TFB1M: variants seen among roughly 807,000 people sequenced by gnomAD.
TFB1M encodes transcription factor B1, mitochondrial.
Under a neutral mutation model 31.1 loss-of-function variants are expected in TFB1M, and 27 were observed. The ratio of observed to expected loss-of-function variants is 0.87; its 90% CI spans 0.64 to 1.20. The LOEUF (loss-of-function observed/expected upper bound fraction) is 1.20. Among genes scored for constraint, TFB1M ranks in the 50% most tolerant of loss-of-function variants. The probability of loss-of-function intolerance (pLI) is 0.00; values close to 1 mark genes in which losing one functional copy is unlikely to be tolerated. For missense variants in TFB1M, 394 were observed against 418.7 expected, an observed-to-expected ratio of 0.94 and a Z score of 0.51; for synonymous variants, 166 against 151.8, an observed-to-expected ratio of 1.09 and a Z score of -0.69.
At chr6:155,261,122 A>G (rs116655746) in intron 5 of TFB1M, among the ~76,000 whole-genome samples, 1 of 152,252 alleles carries the variant, frequency 6.6e-6, no homozygotes, top group Non-Finnish European at 1.5e-5. Context: ...AAATGGACTC[A>G]TGGTGATTCA....
chr6:155,262,974 C>T (rs933297861), intron 5 of TFB1M, among the ~76,000 whole-genome samples: 7 of 152,246 alleles, frequency 4.6e-5, no homozygotes, highest in African/African-American at 1.4e-4. Context: ...TATTATGTCA[C>T]GGCTAAAAGA....
At chr6:155,233,103 A>G in the TFB1M span, among the ~76,000 whole-genome samples, 1 of 152,198 alleles carries the variant, frequency 6.6e-6, no homozygotes. Context: ...CTTCTGATGC[A>G]GTGGACTCCT....
Position 155,275,571 on chromosome 6 carries a change from AC to A in TFB1M, c.666+9586del, listed in dbSNP as rs1191861612. ...TACTCTAAAGGGAAGCCTTTTGTTT[AC>A]TTACTTTCTTTCGCTCAATCCTGGT... is the stretch of plus-strand genomic sequence containing the variant. On this transcript the variant is annotated intron_variant, in intron 5 of 6. Coordinates refer to ENST00000367166, the MANE Select transcript of TFB1M (RefSeq NM_016020.4). The A allele has an allele frequency of 6.7e-6, 5 of 747,498 alleles. No individual in the cohort carries two copies. The Admixed American group carries it at 1.2e-4, about 18-fold the overall frequency. The allele number at this position is 747,498 out of a possible 1,614,324, so 46.3% of individuals were successfully genotyped here.
chr6:155,239,135 A>G, the TFB1M span, among the ~76,000 whole-genome samples: 2 of 152,208 alleles, frequency 1.3e-5, no homozygotes, highest in Non-Finnish European at 2.9e-5. Flanking sequence ...GAATTATGTG[A>G]ATATTAAGAG....
At chr6:155,279,640 G>C (rs969214779) in intron 5 of TFB1M, among the ~76,000 whole-genome samples, 1 of 152,150 alleles carries the variant, frequency 6.6e-6, no homozygotes, top group African/African-American at 2.4e-5. Context: ...CTTGACTTTT[G>C]AGATTTTTAG....
the TFB1M span, chr6:155,244,663 G>A: frequency 6.2e-7 from 1 of 1,613,964 alleles, no homozygotes; most frequent in South Asian, 1.1e-5. Context: ...CATAGATGGA[G>A]TCACTTTTTG....
At chr6:155,296,317 TG>T (rs1241489346) in intron 4 of TFB1M, among the ~76,000 whole-genome samples, 1 of 151,912 alleles carries the variant, frequency 6.6e-6, no homozygotes, top group African/African-American at 2.4e-5. Flanking sequence ...TGGAGTGCAG[TG>T]GCACGATCTT....
In TFB1M at chr6:155,314,295, C is replaced by T. The variant is rs1417871412; in HGVS notation, c.133+1G>A. 6.2e-7 allele frequency: 1 copy of T among 1,613,798 alleles called. No homozygotes were observed. Among genetic ancestry groups the T allele is most frequent in the Non-Finnish European group, 8.5e-7 (1 of 1,179,910 alleles). The stretch of plus-strand genomic sequence containing the variant: ...CCGGGGAGCACTGCTAAGCCATCCA[C>T]CTGTCAGCCTCAAGTCCAGGAGGAA... On this transcript the variant is annotated splice_donor_variant, in intron 1 of 6. Coordinates refer to ENST00000367166, the MANE Select transcript of TFB1M (RefSeq NM_016020.4). LOFTEE classifies it high-confidence loss of function.
chr6:155,298,921 A>G (rs1352516448), intron 2 of TFB1M, among the ~76,000 whole-genome samples: 1 of 152,208 alleles, frequency 6.6e-6, no homozygotes, highest in Non-Finnish European at 1.5e-5. Context: ...ATTAGAGACT[A>G]AGGACATTAT....
At chr6:155,266,846 C>CAAAAA (rs1213939199) in intron 5 of TFB1M, among the ~76,000 whole-genome samples, 2 of 62,832 alleles carry the variant, frequency 3.2e-5, no homozygotes, top group African/African-American at 6.2e-5. Context: ...GACTCCGTCT[C>CAAAAA]AAAAAAAAAA....
chr6:155,282,655 TTTAG>T lies in TFB1M; in HGVS notation c.666+2499_666+2502del, dbSNP rs566183008. 8.1e-4 allele frequency among the ~76,000 whole-genome samples: 123 copies of T among 152,314 alleles called. 1 individual carries two copies. Among genetic ancestry groups the T allele is most frequent in the Non-Finnish European group, 1.5e-3 (104 of 68,028 alleles). On this transcript the variant is annotated intron_variant, in intron 5 of 6. Transcript: ENST00000367166. The stretch of plus-strand genomic sequence containing the variant: ...ACTTTCTCTTCTTGTATGCAGAAGG[TTTAG>T]TTAGAGTACTAGCCTTGAATTAGTT...
At chr6:155,312,925 T>G (rs1778080444) in intron 1 of TFB1M, among the ~76,000 whole-genome samples, 1 of 152,092 alleles carries the variant, frequency 6.6e-6, no homozygotes, top group Non-Finnish European at 1.5e-5. Flanking sequence ...GGCAATCTTT[T>G]AAAGTAGTAG....
downstream of TFB1M, among the ~76,000 whole-genome samples, chr6:155,251,506 C>T (rs1004720936): frequency 6.6e-6 from 1 of 152,108 alleles, no homozygotes; most frequent in East Asian, 1.9e-4. Flanking sequence ...AGACTGGTCT[C>T]GAACTCCTGA....
intron 5 of TFB1M, among the ~76,000 whole-genome samples, chr6:155,268,017 A>G (rs1315951663): frequency 6.6e-6 from 1 of 152,168 alleles, no homozygotes; most frequent in Non-Finnish European, 1.5e-5. Context: ...AAATGTAGAC[A>G]GGAAATTTTG....
chr6:155,277,099 A>C (rs1785263585), intron 5 of TFB1M, among the ~76,000 whole-genome samples: 2 of 152,252 alleles, frequency 1.3e-5, no homozygotes, highest in African/African-American at 4.8e-5. Context: ...GATAAGAACA[A>C]AAGTTTGTTT....
chr6:155,244,600 C>T, the TFB1M span: 14 of 1,575,268 alleles, frequency 8.9e-6, no homozygotes, highest in Admixed American at 9.0e-5. Context: ...TAAGAGTTAG[C>T]GTGGTGTCCT....
intron 2 of TFB1M, chr6:155,303,287 G>T (rs1306883028): frequency 6.6e-6 from 1 of 152,126 alleles, no homozygotes; most frequent in African/African-American, 2.4e-5. Flanking sequence ...TTTTCTTGAT[G>T]ACCTAGGGTT....
intron 2 of TFB1M, among the ~76,000 whole-genome samples, chr6:155,299,277 C>CA (rs899188200): frequency 2.0e-5 from 3 of 152,070 alleles, no homozygotes; most frequent in Admixed American, 1.3e-4. Flanking sequence ...TCTTTGTGAG[C>CA]AAAAAGGGGA....
downstream of TFB1M, chr6:155,251,862 C>G: frequency 9.3e-7 from 1 of 1,081,050 alleles, no homozygotes; most frequent in Non-Finnish European, 1.4e-6. Context: ...GAGAGTGTTA[C>G]TCTGTTAAGA....
Sources: allele counts gnomAD v4.1 joint callset (sites outside exome capture counted in the v4.1 genomes callset), GRCh38; gene constraint gnomAD v4.1.1; transcripts MANE v1.5; gene names NCBI Gene and HGNC (gene_info 2026-07-23, HGNC 2026-07-21).